NFIA: variants seen among roughly 807,000 people sequenced by gnomAD.
NFIA encodes nuclear factor I A.
Under a neutral mutation model 62.8 loss-of-function variants are expected in NFIA, and 8 were observed. That is an observed-to-expected ratio of 0.13 (90% CI 0.07 to 0.23). NFIA has a LOEUF of 0.23. Ranked by LOEUF, NFIA falls within the 10% of genes least tolerant of loss-of-function variation. NFIA has a pLI of 1.00. For synonymous variants in NFIA, 235 were observed against 238.1 expected (o/e 0.99, Z 0.12); for missense variants, 410 against 642.1 (o/e 0.64, Z 3.91).
chr1:61,215,326 T>G (rs1395538510), intron 2 of NFIA, among the ~76,000 whole-genome samples: 1 of 152,186 alleles, frequency 6.6e-6, no homozygotes, highest in Non-Finnish European at 1.5e-5. Flanking sequence ...AATTACTGAT[T>G]ATGTAATGCT....
In NFIA at chr1:61,457,155, A is replaced by T. The variant is rs1668346589; in HGVS notation, c.*1835A>T. The T allele has an allele frequency of 6.6e-6, 1 of 152,208 alleles. No homozygotes were observed. Among genetic ancestry groups the T allele is most frequent in the Admixed American group, 6.5e-5 (1 of 15,286 alleles). 9.4% of individuals were successfully genotyped at this position (152,208 alleles called of 1,614,324 possible). A position where few individuals can be genotyped will look rare whatever the true frequency, so the allele number is the denominator to read the frequency against. On this transcript the variant is annotated 3_prime_UTR_variant, in exon 11 of 11. Transcript: ENST00000403491. This position sits in a 1 kb window ranked among gnomAD's most constrained non-coding sequence, Gnocchi z 4.2. The stretch of plus-strand genomic sequence containing the variant: ...ACTGTCCTATACAATCAAGTAACTG[A>T]AATTCTTGGGAAGACACTTTGCTCC...
At chr1:61,382,592 A>C (rs1356344813) in intron 6 of NFIA, among the ~76,000 whole-genome samples, 1 of 152,196 alleles carries the variant, frequency 6.6e-6, no homozygotes, top group African/African-American at 2.4e-5. Context: ...TGCCTTTTTC[A>C]ATTAACATTA....
chr1:61,319,989 A>C (rs1660595644), intron 3 of NFIA, among the ~76,000 whole-genome samples: 1 of 152,080 alleles, frequency 6.6e-6, no homozygotes, highest in African/African-American at 2.4e-5. Context: ...TGTCATTGAA[A>C]TCTCACATAA....
At chr1:61,108,642 T>C (rs557539000) in intron 2 of NFIA, among the ~76,000 whole-genome samples, 21 of 151,878 alleles carry the variant, frequency 1.4e-4, no homozygotes, top group African/African-American at 5.1e-4. Flanking sequence ...ATTCTTGATT[T>C]TTTTTTCTTG....
chr1:61,096,544 G>GTTTTTTTTT (rs1570141914), intron 2 of NFIA, among the ~76,000 whole-genome samples: 3 of 121,914 alleles, frequency 2.5e-5, no homozygotes, highest in African/African-American at 1.0e-4. Context: ...GTCAAGATTA[G>GTTTTTTTTT]TTCTTTTTTT....
intron 10 of NFIA, among the ~76,000 whole-genome samples, chr1:61,453,066 A>G (rs936760408): frequency 6.6e-6 from 1 of 152,204 alleles, no homozygotes; most frequent in African/African-American, 2.4e-5. Flanking sequence ...CCCAAGTGCC[A>G]GAGAAAGACA....
chr1:61,415,131 A>C (rs935143931), intron 9 of NFIA, among the ~76,000 whole-genome samples: 1 of 152,218 alleles, frequency 6.6e-6, no homozygotes. Flanking sequence ...CTATGATAAG[A>C]GTGGCATTTT....
At chr1:61,184,889 C>A (rs1651047530) in intron 2 of NFIA, among the ~76,000 whole-genome samples, 1 of 152,226 alleles carries the variant, frequency 6.6e-6, no homozygotes, top group Non-Finnish European at 1.5e-5. Flanking sequence ...TTTAAAGTTA[C>A]TTCTATGAAC....
intron 7 of NFIA, 110 bp from the exon 8 acceptor site, chr1:61,403,994 A>C: frequency 8.0e-7 from 1 of 1,245,312 alleles, no homozygotes; most frequent in Non-Finnish European, 1.1e-6. Context: ...TCACATGAGC[A>C]ATATTGTGAA....
intron 2 of NFIA, among the ~76,000 whole-genome samples, chr1:61,169,419 T>G (rs1297888852): frequency 6.6e-6 from 1 of 152,234 alleles, no homozygotes; most frequent in Admixed American, 6.5e-5. Flanking sequence ...CTCACATCTC[T>G]GTCCAGTAGA....
intron 2 of NFIA, among the ~76,000 whole-genome samples, chr1:61,214,611 T>C (rs900460523): frequency 6.6e-6 from 1 of 152,180 alleles, no homozygotes; most frequent in African/African-American, 2.4e-5. Flanking sequence ...TCTGAGAATT[T>C]AAAGAGATTT....
chr1:61,099,679 G>A (rs1646476320), intron 2 of NFIA, among the ~76,000 whole-genome samples: 1 of 152,118 alleles, frequency 6.6e-6, no homozygotes, highest in Admixed American at 6.5e-5. Flanking sequence ...CTGTTATTTG[G>A]GAAATAGACG....
chr1:61,334,555 GTATATATATATATATATATA>G (rs56259392), intron 4 of NFIA, among the ~76,000 whole-genome samples: 1,882 of 97,478 alleles, frequency 0.019, 223 homozygotes, highest in East Asian at 0.082. Context: ...GTGTGTGTGT[GTATATATATATATATATATA>G]TATATATATA....
Position 61,195,355 on chromosome 1 carries a change from T to C in NFIA, c.560-82165T>C, listed in dbSNP as rs756512539. On this transcript the variant is annotated intron_variant, in intron 2 of 10. Coordinates refer to ENST00000403491, the MANE Select transcript of NFIA (RefSeq NM_001134673.4). ...AAGAAAATGACAGGCACATGCAGCT[T>C]GTAAGTGAAATGCAACCCAAGGAGC... Among the ~76,000 whole-genome samples the C allele has an allele frequency of 5.3e-5, 8 of 152,266 alleles. No homozygotes were observed. The South Asian group carries it at 1.2e-3, about 24-fold the overall frequency.
intron 2 of NFIA, among the ~76,000 whole-genome samples, chr1:61,127,431 C>T (rs908616847): frequency 2.0e-5 from 3 of 151,786 alleles, no homozygotes; most frequent in African/African-American, 7.2e-5. Flanking sequence ...CACTGCACTC[C>T]AGCCTGGGTG....
chr1:61,190,271 C>T (rs1262779073), intron 2 of NFIA, among the ~76,000 whole-genome samples: 1 of 152,180 alleles, frequency 6.6e-6, no homozygotes, highest in Non-Finnish European at 1.5e-5. Flanking sequence ...ATTCCATCTC[C>T]ATGATGCTTT....
At chr1:61,434,105 T>C (rs1457118209) in intron 10 of NFIA, among the ~76,000 whole-genome samples, 1 of 152,204 alleles carries the variant, frequency 6.6e-6, no homozygotes, top group Non-Finnish European at 1.5e-5. Flanking sequence ...AAGTGTACCA[T>C]TGCTTCTCTT....
At chr1:61,261,520 A>C (rs1443041885) in intron 2 of NFIA, among the ~76,000 whole-genome samples, 1 of 152,244 alleles carries the variant, frequency 6.6e-6, no homozygotes, top group African/African-American at 2.4e-5. Flanking sequence ...TTGGTAGTTT[A>C]GGTGTATCAA....
intron 2 of NFIA, among the ~76,000 whole-genome samples, chr1:61,273,112 G>C (rs1453675238): frequency 6.6e-6 from 1 of 152,130 alleles, no homozygotes; most frequent in African/African-American, 2.4e-5. Context: ...GGGTGGGAAG[G>C]GTTCCTCACC....
Sources: allele counts gnomAD v4.1 joint callset (sites outside exome capture counted in the v4.1 genomes callset), GRCh38; gene constraint gnomAD v4.1.1; non-coding constraint Gnocchi (gnomAD v3.1); transcripts MANE v1.5; gene names NCBI Gene and HGNC (gene_info 2026-07-23, HGNC 2026-07-21).